Variants in PEPD observed in about 807,000 individuals in gnomAD.
PEPD encodes xaa-Pro dipeptidase.
PEPD carries 53 observed loss-of-function variants against 60.7 expected under a neutral mutation model. The observed-to-expected ratio is 0.87, with a 90% CI of 0.70 to 1.10. The LOEUF (loss-of-function observed/expected upper bound fraction) is 1.10, where lower values mean the gene tolerates loss of function less well. PEPD is among the 50% of genes least tolerant of loss of function. The pLI, the probability that PEPD is intolerant of heterozygous loss-of-function variation, is 0.00. For synonymous variants in PEPD, 267 were observed against 284.1 expected, an observed-to-expected ratio of 0.94 and a Z score of 0.60; for missense variants, 711 against 711.9, an observed-to-expected ratio of 1.00 and a Z score of 0.01.
In PEPD at chr19:33,387,888, A is replaced by G. The variant is rs1016478683; in HGVS notation, c.1344+2T>C. On this transcript the variant is annotated splice_donor_variant, in intron 14 of 14. Coordinates refer to ENST00000244137, the MANE Select transcript of PEPD (RefSeq NM_000285.4). LOFTEE classifies it high-confidence loss of function. ...GCAAGAATGGGGCCCGTGGGCACTC[A>G]CCCCGCCAAAACCGCGAAAGCGCTG... The G allele has an allele frequency of 1.2e-5, 19 of 1,557,490 alleles. No individual in the cohort carries two copies. The highest frequency in any genetic ancestry group is 1.7e-5 in the Non-Finnish European group (19 of 1,151,280).
chr19:33,442,273 G>A (rs569900702), intron 9 of PEPD, among the ~76,000 whole-genome samples: 3 of 152,020 alleles, frequency 2.0e-5, no homozygotes, highest in African/African-American at 7.3e-5. Context: ...GGTGGAGGGT[G>A]GGGGGCACCT....
At chr19:33,423,679 T>G (rs1235837366) in intron 9 of PEPD, among the ~76,000 whole-genome samples, 1 of 152,262 alleles carries the variant, frequency 6.6e-6, no homozygotes, top group Non-Finnish European at 1.5e-5. Context: ...GTTCATCATT[T>G]TCTTATTGAT....
At chr19:33,490,764 A>G (rs1015717048) in intron 5 of PEPD, among the ~76,000 whole-genome samples, 8 of 152,194 alleles carry the variant, frequency 5.3e-5, no homozygotes, top group Non-Finnish European at 1.5e-5. Context: ...CCCAAGTTCA[A>G]GTGATTCTCC....
intron 11 of PEPD, among the ~76,000 whole-genome samples, chr19:33,405,993 T>A (rs562006533): frequency 2.1e-4 from 32 of 152,288 alleles, no homozygotes; most frequent in African/African-American, 7.5e-4. Context: ...TGCCATTTTA[T>A]GCATGACATG....
At chr19:33,423,075 C>A (rs1969065287) in intron 9 of PEPD, among the ~76,000 whole-genome samples, 1 of 148,694 alleles carries the variant, frequency 6.7e-6, no homozygotes, top group African/African-American at 2.5e-5. Context: ...TCTATATCAG[C>A]CTACATACTT....
intron 9 of PEPD, among the ~76,000 whole-genome samples, chr19:33,454,139 G>A (rs1206497383): frequency 6.6e-6 from 1 of 152,130 alleles, no homozygotes; most frequent in Non-Finnish European, 1.5e-5. Flanking sequence ...GGTGCAACCC[G>A]CAATGCCAGA....
chr19:33,500,362 G>A (rs905929835), intron 4 of PEPD, among the ~76,000 whole-genome samples: 19 of 152,318 alleles, frequency 1.2e-4, no homozygotes, highest in African/African-American at 3.6e-4. Flanking sequence ...AGCTGGAGTC[G>A]AGGAGTCAGG....
chr19:33,425,447 G>A (rs1040707295), intron 9 of PEPD, among the ~76,000 whole-genome samples: 25 of 152,298 alleles, frequency 1.6e-4, no homozygotes, highest in African/African-American at 6.0e-4. Context: ...AGCAAGCCAG[G>A]TATGCAGGGA....
chr19:33,476,279 G>C (rs1449042488), intron 7 of PEPD, among the ~76,000 whole-genome samples: 2 of 152,150 alleles, frequency 1.3e-5, no homozygotes, highest in African/African-American at 4.8e-5. Flanking sequence ...CCGAGGGTCA[G>C]TATTAGCGCC....
At chr19:33,435,266 C>G (rs770639823) in intron 9 of PEPD, among the ~76,000 whole-genome samples, 4 of 152,206 alleles carry the variant, frequency 2.6e-5, no homozygotes, top group African/African-American at 7.2e-5. Flanking sequence ...CGACTCAAAG[C>G]CACAGGGAGC....
intron 9 of PEPD, among the ~76,000 whole-genome samples, chr19:33,433,844 C>T (rs764574659): frequency 1.3e-5 from 2 of 152,238 alleles, no homozygotes; most frequent in Admixed American, 6.5e-5. Context: ...AAGAGATGCA[C>T]AGCGTTTCTG....
chr19:33,450,680 T>C (rs1969680960), intron 9 of PEPD, among the ~76,000 whole-genome samples: 1 of 152,138 alleles, frequency 6.6e-6, no homozygotes, highest in Non-Finnish European at 1.5e-5. Flanking sequence ...GGTAAAATGA[T>C]GGTAAGACAA....
chr19:33,418,955 G>A (rs1306666982), intron 9 of PEPD, among the ~76,000 whole-genome samples: 1 of 152,178 alleles, frequency 6.6e-6, no homozygotes, highest in Non-Finnish European at 1.5e-5. Context: ...CGTGTAGCCG[G>A]CACCAACATG....
intron 4 of PEPD, among the ~76,000 whole-genome samples, chr19:33,494,851 C>G (rs1300788748): frequency 1.3e-5 from 2 of 152,268 alleles, no homozygotes; most frequent in African/African-American, 4.8e-5. Context: ...ATGGACACTA[C>G]TCATTCCTCT....
rs543117327 is a variant in PEPD, at chr19:33,417,237, C to T, written c.672-3594G>A. On this transcript the variant is annotated intron_variant, in intron 9 of 14. Transcript: ENST00000244137. ...CCCTGGCCACATCATTCCCTTTCCC[C>T]GGCTGGGCCTCAATGGATCTCAGGT... Among the ~76,000 whole-genome samples the T allele has an allele frequency of 1.1e-4, 16 of 152,294 alleles. No individual in the cohort carries two copies. In the East Asian group the frequency reaches 2.1e-3, roughly 20 times the overall value.
intron 9 of PEPD, 86 bp from the exon 10 acceptor site, chr19:33,413,729 C>T (rs1006021685): frequency 2.5e-6 from 2 of 812,648 alleles, no homozygotes; most frequent in Non-Finnish European, 4.2e-6. Context: ...AGGGAAGGCC[C>T]TCGGCCCATG....
chr19:33,402,689 T>C (rs1443942032), intron 11 of PEPD, among the ~76,000 whole-genome samples: 2 of 152,144 alleles, frequency 1.3e-5, no homozygotes, highest in Non-Finnish European at 2.9e-5. Context: ...CCTGTCCACC[T>C]GCACCCTGGC....
intron 12 of PEPD, among the ~76,000 whole-genome samples, chr19:33,392,865 G>A (rs945255178): frequency 1.8e-4 from 28 of 152,156 alleles, no homozygotes; most frequent in African/African-American, 6.3e-4. Flanking sequence ...TGGGACACAG[G>A]CCATCACCCC....
intron 6 of PEPD, 30 bp downstream of exon 6, chr19:33,489,966 G>T (rs1398769261): frequency 2.1e-6 from 3 of 1,425,492 alleles, no homozygotes; most frequent in African/African-American, 2.8e-5. Context: ...GGGATGGTGG[G>T]GAAAGAGTCC....
Sources: gnomAD v4.1 joint callset for allele counts (sites outside exome capture counted in the v4.1 genomes callset) on GRCh38, gnomAD v4.1.1 for gene constraint, MANE v1.5 for transcripts, NCBI Gene and HGNC (gene_info 2026-07-23, HGNC 2026-07-21) for gene names.